The following CCDC7 variants were observed in gnomAD, a reference collection of about 807,000 sequenced individuals.
CCDC7 encodes coiled-coil domain containing 7, also known as coiled-coil domain-containing protein 7.
Under a neutral mutation model 196.9 loss-of-function variants are expected in CCDC7, and 183 were observed. The ratio of observed to expected loss-of-function variants is 0.93; its 90% CI spans 0.82 to 1.05. CCDC7 has a LOEUF of 1.05. Ranked by LOEUF, CCDC7 falls within the 50% of genes least tolerant of loss-of-function variation. The pLI, the probability that CCDC7 is intolerant of heterozygous loss-of-function variation, is 0.00. For synonymous variants in CCDC7, 525 were observed against 484.6 expected (o/e 1.08, Z -1.10); for missense variants, 1,540 against 1,482.2 (o/e 1.04, Z -0.64).
In CCDC7 at chr10:32,653,939, G is replaced by T. The variant is rs1472849234; in HGVS notation, c.2015-10115G>T. ...CTTCTCTTCCTCTTTTCTTCTTCTGGAATGCCCATTATGTGTATGTTGGTA... is the reference window on the plus strand; with the variant it reads ...CTTCTCTTCCTCTTTTCTTCTTCTGTAATGCCCATTATGTGTATGTTGGTA... On this transcript the variant is annotated intron_variant, in intron 20 of 41. Transcript: ENST00000639629. Among the ~76,000 whole-genome samples, 4 of 152,068 alleles carry T rather than the reference G, an allele frequency of 2.6e-5. No individual in the cohort carries two copies. In the East Asian group the frequency reaches 7.7e-4, roughly 29 times the overall value.
chr10:32,452,752 T>C (rs975554829), intron 1 of CCDC7, among the ~76,000 whole-genome samples: 1 of 152,198 alleles, frequency 6.6e-6, no homozygotes, highest in African/African-American at 2.4e-5. Context: ...GCACCATGCC[T>C]GGCTGAAACT....
chr10:32,825,704 G>A (rs2091013754), intron 32 of CCDC7, among the ~76,000 whole-genome samples: 1 of 152,108 alleles, frequency 6.6e-6, no homozygotes, highest in Non-Finnish European at 1.5e-5. Context: ...ACACAAAAAT[G>A]TTAAGGACTC....
intron 18 of CCDC7, among the ~76,000 whole-genome samples, chr10:32,591,601 A>G (rs1008284017): frequency 6.6e-6 from 1 of 152,148 alleles, no homozygotes; most frequent in East Asian, 1.9e-4. Context: ...CTAAAAATAT[A>G]TTAATAGATA....
chr10:32,635,566 C>T (rs2065494344), intron 20 of CCDC7, among the ~76,000 whole-genome samples: 1 of 152,108 alleles, frequency 6.6e-6, no homozygotes, highest in Non-Finnish European at 1.5e-5. Context: ...GAGTGGATCT[C>T]TTGAAGCCAG....
rs893287250 is a variant in CCDC7 at position 32,873,342 on chromosome 10, G to T, written c.4112-3005G>T. Among the ~76,000 whole-genome samples, 4 of 152,014 alleles carry T rather than the reference G, an allele frequency of 2.6e-5. No homozygotes were observed. In the East Asian group the frequency reaches 7.8e-4, roughly 30 times the overall value. ...TTGATCGAATTGGCTACTGAGGCTT[G>T]TGCATTCATCACATAGTTCTCGTGC... is the stretch of plus-strand genomic sequence containing the variant. On this transcript the variant is annotated intron_variant, in intron 41 of 41. Coordinates refer to ENST00000639629, the Ensembl canonical transcript of CCDC7.
chr10:32,793,546 A>T (rs563983938), intron 29 of CCDC7, among the ~76,000 whole-genome samples: 1 of 152,302 alleles, frequency 6.6e-6, no homozygotes, highest in East Asian at 1.9e-4. Flanking sequence ...TCTGAATGAG[A>T]TCAGAAAGAC....
chr10:32,554,727 A>C (rs1326853423), intron 13 of CCDC7, among the ~76,000 whole-genome samples: 4 of 152,058 alleles, frequency 2.6e-5, no homozygotes, highest in Non-Finnish European at 4.4e-5. Flanking sequence ...GGGTCTTTTT[A>C]AGTTTTTTTA....
chr10:32,707,199 A>G (rs1220204445), intron 24 of CCDC7, among the ~76,000 whole-genome samples: 1 of 151,894 alleles, frequency 6.6e-6, no homozygotes, highest in Non-Finnish European at 1.5e-5. Context: ...CCATCATATA[A>G]ACAGAACCAA....
chr10:32,668,241 G>T (rs1448179243), intron 21 of CCDC7, among the ~76,000 whole-genome samples: 1 of 152,134 alleles, frequency 6.6e-6, no homozygotes, highest in African/African-American at 2.4e-5. Context: ...CTTTGCTGAA[G>T]TTGCCTATCA....
chr10:32,706,029 C>G (rs1228144835), intron 24 of CCDC7, among the ~76,000 whole-genome samples: 3 of 152,060 alleles, frequency 2.0e-5, no homozygotes, highest in South Asian at 2.1e-4. Flanking sequence ...CTTCTCAGCA[C>G]CACATCGCAC....
At chr10:32,755,877 G>C (rs577879409) in intron 28 of CCDC7, among the ~76,000 whole-genome samples, 1 of 152,126 alleles carries the variant, frequency 6.6e-6, no homozygotes, top group Non-Finnish European at 1.5e-5. Flanking sequence ...GAGACGAATG[G>C]CTAACTAGAA....
intron 28 of CCDC7, among the ~76,000 whole-genome samples, chr10:32,748,007 A>G (rs2075076025): frequency 6.6e-6 from 1 of 152,254 alleles, no homozygotes; most frequent in South Asian, 2.1e-4. Context: ...TGTGGTACAT[A>G]TATATCATAG....
intron 18 of CCDC7, among the ~76,000 whole-genome samples, chr10:32,618,141 G>C (rs1357693252): frequency 2.0e-5 from 3 of 151,816 alleles, no homozygotes; most frequent in Non-Finnish European, 2.9e-5. Context: ...GGTAAGGTGA[G>C]TTTCTTATAG....
intron 18 of CCDC7, among the ~76,000 whole-genome samples, chr10:32,618,276 T>G (rs749156283): frequency 3.3e-5 from 5 of 151,988 alleles, no homozygotes; most frequent in Non-Finnish European, 7.4e-5. Flanking sequence ...GTTTTTATTT[T>G]TAAATTGTTT....
intron 18 of CCDC7, among the ~76,000 whole-genome samples, chr10:32,622,381 C>A (rs1248629550): frequency 6.6e-6 from 1 of 151,802 alleles, no homozygotes; most frequent in Non-Finnish European, 1.5e-5. Flanking sequence ...ATGAAACTAA[C>A]CCCATCCCAC....
At chr10:32,472,358 T>G in intron 6 of CCDC7, 123 bp from the exon 8 acceptor site, 1 of 857,842 alleles carries the variant, frequency 1.2e-6, no homozygotes, top group Non-Finnish European at 1.6e-6. Context: ...AGATTAAAGA[T>G]ATGTTTAATT....
chr10:32,528,346 C>T (rs147907288), intron 11 of CCDC7, among the ~76,000 whole-genome samples: 5 of 151,618 alleles, frequency 3.3e-5, no homozygotes, highest in East Asian at 3.9e-4. Context: ...GAGATTTTGG[C>T]GCATCCATCA....
At chr10:32,754,999 C>A (rs2076199126) in intron 28 of CCDC7, among the ~76,000 whole-genome samples, 1 of 152,186 alleles carries the variant, frequency 6.6e-6, no homozygotes, top group African/African-American at 2.4e-5. Context: ...GGTCCCACAC[C>A]CACAAAGCCT....
chr10:32,802,022 T>C (rs1014474077), intron 29 of CCDC7, among the ~76,000 whole-genome samples: 2 of 152,212 alleles, frequency 1.3e-5, no homozygotes, highest in African/African-American at 4.8e-5. Context: ...GGTGAGGTTG[T>C]GCATGCATCT....
Sources: gnomAD v4.1 joint callset for allele counts (sites outside exome capture counted in the v4.1 genomes callset) on GRCh38, gnomAD v4.1.1 for gene constraint, MANE v1.5 for transcripts, NCBI Gene and HGNC (gene_info 2026-07-23, HGNC 2026-07-21) for gene names.